Variants in KDM4C observed in about 807,000 individuals in gnomAD.
KDM4C encodes lysine-specific demethylase 4C.
Under a neutral mutation model 129.3 loss-of-function variants are expected in KDM4C, and 81 were observed. That is an observed-to-expected ratio of 0.63 (90% confidence interval 0.52 to 0.75). The LOEUF (loss-of-function observed/expected upper bound fraction) is 0.75, where lower values mean the gene tolerates loss of function less well. Among genes scored for constraint, KDM4C ranks in the 30% least tolerant of loss-of-function variants. The probability of loss-of-function intolerance (pLI) is 0.00; values close to 1 mark genes in which losing one functional copy is unlikely to be tolerated. For missense variants in KDM4C, 1,457 were observed against 1,304.0 expected, an observed-to-expected ratio of 1.12 and a Z score of -1.81; for synonymous variants, 573 against 456.1, an observed-to-expected ratio of 1.26 and a Z score of -3.26.
At chr9:7,073,493 G>A (rs1414976785) in intron 17 of KDM4C, among the ~76,000 whole-genome samples, 2 of 152,210 alleles carry the variant, frequency 1.3e-5, no homozygotes, top group Admixed American at 1.3e-4. Flanking sequence ...TCACCTTTGT[G>A]GTGGTAGCTT....
chr9:7,014,622 T>C (rs1823315701), intron 14 of KDM4C, among the ~76,000 whole-genome samples: 1 of 152,178 alleles, frequency 6.6e-6, no homozygotes, highest in South Asian at 2.1e-4. Flanking sequence ...TCTCATATAA[T>C]ACAACTCTAT....
chr9:7,056,082 A>T (rs1270267522), intron 17 of KDM4C, among the ~76,000 whole-genome samples: 1 of 152,246 alleles, frequency 6.6e-6, no homozygotes, highest in Non-Finnish European at 1.5e-5. Context: ...CTAAGAAAAT[A>T]ATAAACATTG....
rs1205416432 is a variant in KDM4C at position 7,002,323 on chromosome 9, T to A, written c.1787-9375T>A. ...AGTACCTATCTTTGTTTTTTAATTG[T>A]AAATTGACAATTTATAATTGTATAA... On this transcript the variant is annotated intron_variant, in intron 12 of 21. Coordinates refer to ENST00000381309, the MANE Select transcript of KDM4C (RefSeq NM_015061.6). Among the ~76,000 whole-genome samples, 2 of 152,244 alleles carry A rather than the reference T, an allele frequency of 1.3e-5. 1 individual carries two copies. The highest frequency in any genetic ancestry group is 2.9e-5 in the Non-Finnish European group (2 of 68,042).
intron 8 of KDM4C, among the ~76,000 whole-genome samples, chr9:6,952,050 A>T (rs1828248211): frequency 6.6e-6 from 1 of 152,184 alleles, no homozygotes; most frequent in Non-Finnish European, 1.5e-5. Flanking sequence ...GCTGAACTTA[A>T]ATGGGCTTAA....
intron 12 of KDM4C, among the ~76,000 whole-genome samples, chr9:6,995,195 A>G (rs994777994): frequency 2.0e-5 from 3 of 152,074 alleles, no homozygotes; most frequent in Non-Finnish European, 4.4e-5. Flanking sequence ...GAAGAAAAGA[A>G]GAAAGATCAA....
At chr9:6,740,025 G>T (rs950863143) in intron 1 of KDM4C, among the ~76,000 whole-genome samples, 2 of 152,008 alleles carry the variant, frequency 1.3e-5, no homozygotes, top group Non-Finnish European at 2.9e-5. Flanking sequence ...AAGCAGCTGG[G>T]ACTACAGGCG....
intron 4 of KDM4C, chr9:6,815,222 T>C (rs1831865336): frequency 6.6e-6 from 1 of 152,082 alleles, no homozygotes; most frequent in African/African-American, 2.4e-5. Context: ...TACATGTTAT[T>C]ACAGTCTAGC....
At chr9:7,068,189 A>G (rs927260688) in intron 17 of KDM4C, among the ~76,000 whole-genome samples, 6 of 152,186 alleles carry the variant, frequency 3.9e-5, no homozygotes, top group Non-Finnish European at 8.8e-5. Flanking sequence ...ATAGCATACT[A>G]TATTGGTCTG....
intron 1 of KDM4C, among the ~76,000 whole-genome samples, chr9:6,765,636 G>T (rs866515021): frequency 2.0e-5 from 3 of 152,108 alleles, no homozygotes; most frequent in Non-Finnish European, 4.4e-5. Context: ...GCAAATTAAT[G>T]ACTTTTACAT....
At chr9:6,862,328 CAG>C (rs1005641862) in intron 5 of KDM4C, among the ~76,000 whole-genome samples, 2 of 152,136 alleles carry the variant, frequency 1.3e-5, no homozygotes, top group Non-Finnish European at 2.9e-5. Context: ...TTGATTTTAA[CAG>C]AAACATTTGA....
chr9:7,141,599 AGTGGAAGGTGACACCT>A (rs1356847768), intron 19 of KDM4C, among the ~76,000 whole-genome samples: 1 of 152,210 alleles, frequency 6.6e-6, no homozygotes, highest in Non-Finnish European at 1.5e-5. Flanking sequence ...TGCTCAGCCA[AGTGGAAGGTGACACCT>A]GTCATTGAGA....
chr9:6,964,906 A>T (rs1293006049), intron 8 of KDM4C, among the ~76,000 whole-genome samples: 1 of 151,904 alleles, frequency 6.6e-6, no homozygotes, highest in Non-Finnish European at 1.5e-5. Context: ...GTGAGCCGAG[A>T]TCGCGCCATT....
intron 19 of KDM4C, among the ~76,000 whole-genome samples, chr9:7,158,237 C>G (rs1343736652): frequency 6.6e-6 from 1 of 151,554 alleles, no homozygotes; most frequent in Non-Finnish European, 1.5e-5. Context: ...TGTGATTCTT[C>G]TCTCTTTTCT....
intron 5 of KDM4C, among the ~76,000 whole-genome samples, chr9:6,855,845 T>C (rs1196516142): frequency 6.6e-6 from 1 of 152,234 alleles, no homozygotes; most frequent in African/African-American, 2.4e-5. Flanking sequence ...AAATGTGAGC[T>C]CTGGGAGTTG....
chr9:7,008,800 G>GC (rs1488690482), intron 12 of KDM4C, among the ~76,000 whole-genome samples: 2 of 152,170 alleles, frequency 1.3e-5, no homozygotes, highest in African/African-American at 4.8e-5. Flanking sequence ...TACTGACGCA[G>GC]ACACAAGGCC....
intron 18 of KDM4C, among the ~76,000 whole-genome samples, chr9:7,119,854 T>G (rs144799749): frequency 6.6e-6 from 1 of 152,274 alleles, no homozygotes; most frequent in East Asian, 1.9e-4. Context: ...TTTTCTTTTC[T>G]GGAGGGCCTC....
chr9:6,783,597 A>G (rs559182081), intron 1 of KDM4C, among the ~76,000 whole-genome samples: 1 of 152,190 alleles, frequency 6.6e-6, no homozygotes, highest in East Asian at 1.9e-4. Context: ...GCATACCAAT[A>G]GTGGAGGGGT....
intron 12 of KDM4C, among the ~76,000 whole-genome samples, chr9:6,998,827 C>G (rs545638831): frequency 1.3e-5 from 2 of 152,164 alleles, no homozygotes; most frequent in South Asian, 4.2e-4. Context: ...AAACAAACAA[C>G]AACAACAACA....
At chr9:6,814,850 C>A (rs1010647357) in intron 4 of KDM4C, 105 bp downstream of exon 4, 6 of 575,344 alleles carry the variant, frequency 1.0e-5, no homozygotes, top group African/African-American at 9.6e-5. Flanking sequence ...TTTGGGTGAT[C>A]CATAATTCCT....
Sources: allele counts gnomAD v4.1 joint callset (sites outside exome capture counted in the v4.1 genomes callset), GRCh38; gene constraint gnomAD v4.1.1; transcripts MANE v1.5; gene names NCBI Gene and HGNC (gene_info 2026-07-23, HGNC 2026-07-21).